The following UGGT1 variants were observed in gnomAD, a reference collection of about 807,000 sequenced individuals.
UGGT1 encodes UDP-glucose:glycoprotein glucosyltransferase 1.
UGGT1 carries 107 observed loss-of-function variants against 203.9 expected under a neutral mutation model. That is an observed-to-expected ratio of 0.52 (90% CI 0.45 to 0.62). UGGT1 has a LOEUF of 0.62. Among genes scored for constraint, UGGT1 ranks in the 20% least tolerant of loss-of-function variants. UGGT1 has a pLI of 0.00. For missense variants in UGGT1, 1,673 were observed against 1,867.2 expected, an observed-to-expected ratio of 0.90 and a Z score of 1.92; for synonymous variants, 628 against 653.5, an observed-to-expected ratio of 0.96 and a Z score of 0.59.
At chr2:128,106,194 A>G (rs1429710037) in intron 3 of UGGT1, among the ~76,000 whole-genome samples, 1 of 151,254 alleles carries the variant, frequency 6.6e-6, no homozygotes, top group Non-Finnish European at 1.5e-5. Flanking sequence ...AGAGGCAACT[A>G]GAATTAAGTT....
intron 1 of UGGT1, among the ~76,000 whole-genome samples, chr2:128,093,500 GTTGGTT>G (rs1435626051): frequency 5.3e-5 from 8 of 151,908 alleles, no homozygotes; most frequent in Admixed American, 5.3e-4. Context: ...TGTCAGATTG[GTTGGTT>G]GGATTGCTTC....
At position 128,129,128 on chromosome 2, in the gene UGGT1, C is replaced by T. The variant is rs1407210862; in HGVS notation, c.1326C>T (p.Ile442=). 1.2e-6 allele frequency: 2 copies of T among 1,614,026 alleles called. No homozygotes were observed. The highest frequency in any genetic ancestry group is 1.3e-5 in the African/African-American group (1 of 75,028). ...TGCATAATGTTTTGAAGCTGAACAT[C>T]CAGCCCTCTGAGGCAGACTATGCCG... ...LSLHNVLKLN[I]QPSEADYAVD... Residue 442 remains isoleucine (I), a synonymous_variant, in exon 13 of 41, where the codon ATC becomes ATT. Coordinates refer to ENST00000259253, the MANE Select transcript of UGGT1 (RefSeq NM_020120.4).
intron 1 of UGGT1, among the ~76,000 whole-genome samples, chr2:128,092,044 G>A (rs1185187003): frequency 6.6e-6 from 1 of 152,182 alleles, no homozygotes; most frequent in African/African-American, 2.4e-5. Context: ...TTCGTTTGAA[G>A]TCCTGGGGTC....
At chr2:128,142,248 T>C (rs1432288415) in intron 16 of UGGT1, among the ~76,000 whole-genome samples, 1 of 151,430 alleles carries the variant, frequency 6.6e-6, no homozygotes, top group Non-Finnish European at 1.5e-5. Flanking sequence ...CCTATTTAGA[T>C]TTTTCTTAAC....
At chr2:128,178,634 G>A (rs1456525140) in intron 34 of UGGT1, 65 bp downstream of exon 34, 49 of 1,448,688 alleles carry the variant, frequency 3.4e-5, no homozygotes, top group Non-Finnish European at 4.5e-5. Flanking sequence ...TATTTAGAGA[G>A]GAAAGGTTTT....
At position 128,192,861 on chromosome 2, in the gene UGGT1, G is replaced by T. The variant is rs1464898690; in HGVS notation, c.*3119G>T. ...GGTGAATGCCTCTTGGGAGAGCGAA[G>T]ATTACGTGCATGATGTATGTTAAGA... On this transcript the variant is annotated 3_prime_UTR_variant, in exon 41 of 41. Transcript: ENST00000259253. 1 of 151,878 alleles carries T rather than the reference G, an allele frequency of 6.6e-6. No individual in the cohort carries two copies. Among genetic ancestry groups the T allele is most frequent in the Non-Finnish European group, 1.5e-5 (1 of 68,012 alleles). The allele number at this position is 151,878 out of a possible 1,614,324, so 9.4% of individuals were successfully genotyped here. A position where few individuals can be genotyped will look rare whatever the true frequency, so the allele number is the denominator to read the frequency against.
intron 1 of UGGT1, among the ~76,000 whole-genome samples, chr2:128,094,908 C>T (rs1420144078): frequency 6.6e-5 from 10 of 151,950 alleles, no homozygotes; most frequent in Admixed American, 6.6e-4. Context: ...GCCACTATGC[C>T]TGGCTAATTT....
intron 26 of UGGT1, among the ~76,000 whole-genome samples, chr2:128,168,785 G>T (rs1690928265): frequency 6.6e-6 from 1 of 152,122 alleles, no homozygotes; most frequent in Non-Finnish European, 1.5e-5. Flanking sequence ...GATGGCTCAT[G>T]CCTGTAATCC....
At chr2:128,184,100 GGTTT>G (rs1239062620) in intron 38 of UGGT1, among the ~76,000 whole-genome samples, 1 of 152,124 alleles carries the variant, frequency 6.6e-6, no homozygotes, top group Non-Finnish European at 1.5e-5. Flanking sequence ...TAATCTCATA[GGTTT>G]GTTTCTCTAC....
At chr2:128,155,683 G>T in intron 20 of UGGT1, 96 bp downstream of exon 20, 1 of 896,236 alleles carries the variant, frequency 1.1e-6, no homozygotes, top group South Asian at 1.7e-5. Context: ...AAAAGGGAAA[G>T]AGACTTCATA....
chr2:128,099,604 G>A (rs1394081153), intron 2 of UGGT1, among the ~76,000 whole-genome samples: 2 of 152,272 alleles, frequency 1.3e-5, no homozygotes, highest in Middle Eastern at 3.4e-3. Flanking sequence ...TGTGGCAGCC[G>A]GTCTTGGCTA....
intron 15 of UGGT1, among the ~76,000 whole-genome samples, chr2:128,136,054 G>C (rs1033975283): frequency 6.6e-6 from 1 of 152,164 alleles, no homozygotes; most frequent in Non-Finnish European, 1.5e-5. Context: ...GACGAGAAGA[G>C]GGCATGTGGT....
chr2:128,107,464 C>T (rs1035154545), intron 3 of UGGT1, among the ~76,000 whole-genome samples: 1 of 152,188 alleles, frequency 6.6e-6, no homozygotes, highest in Non-Finnish European at 1.5e-5. Context: ...ATAAATAGGT[C>T]ATAGCCTCTT....
At chr2:128,153,345 T>A (rs754644695) in intron 19 of UGGT1, among the ~76,000 whole-genome samples, 2 of 152,188 alleles carry the variant, frequency 1.3e-5, no homozygotes, top group Non-Finnish European at 2.9e-5. Context: ...CATCAAGATA[T>A]GATGTATATG....
intron 26 of UGGT1, among the ~76,000 whole-genome samples, chr2:128,169,986 G>A (rs575715841): frequency 3.7e-4 from 57 of 152,256 alleles, no homozygotes; most frequent in African/African-American, 1.3e-3. Context: ...TTGCCAAGAA[G>A]TAAAAACTGG....
chr2:128,182,312 A>T, intron 37 of UGGT1, 22 bp downstream of exon 37: 1 of 1,597,926 alleles, frequency 6.3e-7, no homozygotes, highest in Admixed American at 1.8e-5. Flanking sequence ...AAGCACTCCT[A>T]ACACTGTTAC....
At chr2:128,181,438 GTGGATACA>G (rs1691683761) in intron 36 of UGGT1, among the ~76,000 whole-genome samples, 1 of 152,222 alleles carries the variant, frequency 6.6e-6, no homozygotes, top group African/African-American at 2.4e-5. Context: ...CGAAGCTTAA[GTGGATACA>G]TGGCTTTGGC....
At chr2:128,173,732 A>G (rs1691231323) in intron 29 of UGGT1, 49 bp from the exon 30 acceptor site, 3 of 1,597,040 alleles carry the variant, frequency 1.9e-6, no homozygotes, top group East Asian at 2.2e-5. Context: ...TTTCAGATTT[A>G]TTCATGTTGT....
rs1471447963 is a variant in UGGT1, at chr2:128,191,419, AAATT to A, written c.*1680_*1683del. ...TACAATGAAAACAAAACAAAACAAAAAATTAAGAAGAGGAAAGCTCAAAAGAGGA... is the reference window on the plus strand; with the variant it reads ...TACAATGAAAACAAAACAAAACAAAAAAGAAGAGGAAAGCTCAAAAGAGGA... On this transcript the variant is annotated 3_prime_UTR_variant, in exon 41 of 41. Coordinates refer to ENST00000259253, the MANE Select transcript of UGGT1 (RefSeq NM_020120.4). 14 of 152,312 alleles carry A rather than the reference AAATT, an allele frequency of 9.2e-5. No homozygotes were observed. Among genetic ancestry groups the A allele is most frequent in the South Asian group, 8.3e-4 (4 of 4,820 alleles). 9.4% of individuals were successfully genotyped at this position (152,312 alleles called of 1,614,324 possible).
Sources: gnomAD v4.1 joint callset for allele counts (sites outside exome capture counted in the v4.1 genomes callset) on GRCh38, gnomAD v4.1.1 for gene constraint, MANE v1.5 for transcripts, NCBI Gene and HGNC (gene_info 2026-07-23, HGNC 2026-07-21) for gene names.